The following SFMBT2 variants were observed in gnomAD, a reference collection of about 807,000 sequenced individuals.
SFMBT2 encodes scm-like with four MBT domains protein 2.
A neutral mutation model predicts 110.1 loss-of-function variants in SFMBT2; 38 were observed. The observed-to-expected ratio is 0.35, with a 90% CI of 0.27 to 0.45. The LOEUF (loss-of-function observed/expected upper bound fraction) is 0.45, where lower values mean the gene tolerates loss of function less well. SFMBT2 is among the 20% of genes least tolerant of loss of function. The pLI is 1.00. For missense variants in SFMBT2, 1,011 were observed against 1,094.9 expected (o/e 0.92, Z 1.08); for synonymous variants, 425 against 425.4 (o/e 1.00, Z 0.01).
At chr10:7,265,439 C>T (rs999090416) in intron 7 of SFMBT2, among the ~76,000 whole-genome samples, 1 of 152,116 alleles carries the variant, frequency 6.6e-6, no homozygotes, top group African/African-American at 2.4e-5. Context: ...TGAGTTCATG[C>T]AATCCTCCCG....
chr10:7,399,922 T>G (rs1031404312), intron 1 of SFMBT2, among the ~76,000 whole-genome samples: 2 of 152,166 alleles, frequency 1.3e-5, no homozygotes, highest in African/African-American at 4.8e-5. Flanking sequence ...GAACAGAGAC[T>G]GAAAGAAGGG....
chr10:7,360,015 T>C (rs927136702), intron 4 of SFMBT2, among the ~76,000 whole-genome samples: 1 of 152,210 alleles, frequency 6.6e-6, no homozygotes, highest in African/African-American at 2.4e-5. Context: ...ATAAGAATAA[T>C]ACCAGCCACT....
intron 4 of SFMBT2, among the ~76,000 whole-genome samples, chr10:7,366,042 C>T (rs1193128117): frequency 6.6e-6 from 1 of 152,108 alleles, no homozygotes; most frequent in African/African-American, 2.4e-5. Context: ...CAGGCAGCCA[C>T]GTGGTGCAGA....
At chr10:7,179,977 G>C (rs1838196151) in intron 16 of SFMBT2, among the ~76,000 whole-genome samples, 1 of 152,214 alleles carries the variant, frequency 6.6e-6, no homozygotes, top group South Asian at 2.1e-4. Flanking sequence ...AGCCATGGCA[G>C]TGAGGGGTAG....
intron 4 of SFMBT2, among the ~76,000 whole-genome samples, chr10:7,326,462 G>A (rs1439670052): frequency 1.3e-5 from 2 of 152,180 alleles, no homozygotes; most frequent in African/African-American, 4.8e-5. Flanking sequence ...AGCTGCAAAA[G>A]CAGACCCTGG....
chr10:7,213,963 G>T (rs375470099), intron 11 of SFMBT2, among the ~76,000 whole-genome samples: 1 of 152,174 alleles, frequency 6.6e-6, no homozygotes, highest in African/African-American at 2.4e-5. Context: ...GCAGGGCAAA[G>T]AAGAGGCCAA....
At position 7,226,668 on chromosome 10, in the gene SFMBT2, T is replaced by G. The variant is rs1193145616; in HGVS notation, c.1203+1187A>C. Among the ~76,000 whole-genome samples the G allele has an allele frequency of 2.6e-5, 4 of 152,262 alleles. No homozygotes were observed. In the East Asian group the frequency reaches 7.7e-4, roughly 29 times the overall value. ...GCCTAATTCTTAAAACAGAGATAAT[T>G]GATATCTCTACTCACAGTTCCTAGG... is the stretch of plus-strand genomic sequence containing the variant. On this transcript the variant is annotated intron_variant, in intron 10 of 20. Coordinates refer to ENST00000397167, the MANE Select transcript of SFMBT2 (RefSeq NM_001387889.1).
intron 11 of SFMBT2, among the ~76,000 whole-genome samples, chr10:7,209,515 C>T (rs188194974): frequency 6.8e-4 from 104 of 152,306 alleles, no homozygotes; most frequent in African/African-American, 2.5e-3. Flanking sequence ...TGGGTATATC[C>T]ATATGAAGGA....
At chr10:7,334,205 C>T (rs146981202) in intron 4 of SFMBT2, among the ~76,000 whole-genome samples, 97 of 152,258 alleles carry the variant, frequency 6.4e-4, no homozygotes, top group African/African-American at 2.2e-3. Flanking sequence ...CGCTGACAGC[C>T]AGGCACCGTC....
At chr10:7,376,914 G>A (rs1421770266) in intron 2 of SFMBT2, among the ~76,000 whole-genome samples, 3 of 149,366 alleles carry the variant, frequency 2.0e-5, no homozygotes, top group African/African-American at 4.9e-5. Flanking sequence ...GCTCACGCCT[G>A]TAATCCCAGC....
intron 4 of SFMBT2, among the ~76,000 whole-genome samples, chr10:7,326,230 A>G (rs61837677): frequency 0.073 from 11,139 of 152,322 alleles, 537 homozygotes; most frequent in Non-Finnish European, 0.11. Flanking sequence ...CAAACCATAT[A>G]TAAACAACTT....
chr10:7,343,374 G>C (rs529954778), intron 4 of SFMBT2, among the ~76,000 whole-genome samples: 1 of 152,262 alleles, frequency 6.6e-6, no homozygotes, highest in Non-Finnish European at 1.5e-5. Context: ...TGTCTTTAAG[G>C]TAGAATGATT....
At chr10:7,370,234 C>T (rs1243212079) in intron 3 of SFMBT2, 47 bp downstream of exon 3, 1 of 1,535,662 alleles carries the variant, frequency 6.5e-7, no homozygotes, top group African/African-American at 1.4e-5. Flanking sequence ...AGATTCCTTC[C>T]CTTCCCACTT....
chr10:7,222,632 T>A (rs186439388), intron 10 of SFMBT2, among the ~76,000 whole-genome samples: 130 of 152,202 alleles, frequency 8.5e-4, no homozygotes, highest in African/African-American at 3.0e-3. Flanking sequence ...GTGGGGAAAC[T>A]AGCTAAGCCA....
intron 1 of SFMBT2, among the ~76,000 whole-genome samples, chr10:7,398,526 C>T (rs1273419622): frequency 2.0e-5 from 3 of 152,126 alleles, no homozygotes; most frequent in African/African-American, 7.2e-5. Context: ...ATATTTACAC[C>T]CAAGCCACAA....
intron 11 of SFMBT2, 64 bp from the exon 12 acceptor site, chr10:7,205,992 C>A (rs1357645929): frequency 3.1e-6 from 5 of 1,596,544 alleles, no homozygotes; most frequent in Non-Finnish European, 2.6e-6. Context: ...AATAGAAGGA[C>A]AACAATAATA....
intron 2 of SFMBT2, chr10:7,370,739 A>T: frequency 1.4e-6 from 1 of 690,972 alleles, no homozygotes; most frequent in South Asian, 6.5e-5. Flanking sequence ...AGGCGAAGGA[A>T]CCCATCGTGC....
At chr10:7,238,608 C>T (rs1053966547) in intron 9 of SFMBT2, among the ~76,000 whole-genome samples, 1 of 152,122 alleles carries the variant, frequency 6.6e-6, no homozygotes, top group East Asian at 1.9e-4. Context: ...CCTTTACTTC[C>T]TAAATTGTGT....
chr10:7,215,126 C>T (rs1464961201), intron 11 of SFMBT2, among the ~76,000 whole-genome samples: 3 of 152,164 alleles, frequency 2.0e-5, no homozygotes, highest in Admixed American at 6.5e-5. Context: ...ACAGGCTGGG[C>T]GTGGTGGTTC....
Sources: allele counts gnomAD v4.1 joint callset (sites outside exome capture counted in the v4.1 genomes callset), GRCh38; gene constraint gnomAD v4.1.1; transcripts MANE v1.5; gene names NCBI Gene and HGNC (gene_info 2026-07-23, HGNC 2026-07-21).